The following EPB41 variants were observed in gnomAD, a reference collection of about 807,000 sequenced individuals.
The protein encoded by EPB41 is protein 4.1.
Under a neutral mutation model 108.0 loss-of-function variants are expected in EPB41, and 65 were observed. That is an observed-to-expected ratio of 0.60 (90% confidence interval 0.49 to 0.74). The LOEUF is 0.74. EPB41 is among the 30% of genes least tolerant of loss of function. The pLI, the probability that EPB41 is intolerant of heterozygous loss-of-function variation, is 0.00. For synonymous variants in EPB41, 336 were observed against 358.9 expected, an observed-to-expected ratio of 0.94 and a Z score of 0.72; for missense variants, 875 against 1,037.0, an observed-to-expected ratio of 0.84 and a Z score of 2.15.
At chr1:29,016,831 T>A (rs767253971) in intron 6 of EPB41, among the ~76,000 whole-genome samples, 3 of 152,252 alleles carry the variant, frequency 2.0e-5, no homozygotes, top group Non-Finnish European at 4.4e-5. Context: ...AAACTGTTGG[T>A]TGTTGAGTAA....
intron 16 of EPB41, among the ~76,000 whole-genome samples, chr1:29,090,051 G>A (rs1048411259): frequency 6.6e-6 from 1 of 152,160 alleles, no homozygotes; most frequent in Admixed American, 6.6e-5. Flanking sequence ...ATCACTTGAG[G>A]TAAGGAGTTC....
chr1:29,093,819 C>T lies in EPB41; in HGVS notation c.2185-3988C>T, dbSNP rs111998694. ...ACTCTGGAGGCTGACGCAGGAGAAT[C>T]GCTTGAACTTAGGAGGCGGAGGTTG... On this transcript the variant is annotated intron_variant, in intron 16 of 20. Transcript: ENST00000343067. Among the ~76,000 whole-genome samples, 1,116 of 152,246 alleles carry T rather than the reference C, an allele frequency of 7.3e-3. 10 individuals carry two copies. Among genetic ancestry groups the T allele is most frequent in the African/African-American group, 0.025 (1,052 of 41,556 alleles).
intron 16 of EPB41, among the ~76,000 whole-genome samples, chr1:29,086,940 C>CTTTTTTTTTTTTTTTTTTTTTT (rs386366593): frequency 1.0e-5 from 1 of 98,564 alleles, no homozygotes; most frequent in Non-Finnish European, 1.9e-5. Context: ...AACTGTGGTT[C>CTTTTTTTTTTTTTTTTTTTTTT]TTTTTTTTTT....
At chr1:29,116,141 C>G (rs1405703793) in intron 20 of EPB41, among the ~76,000 whole-genome samples, 1 of 140,358 alleles carries the variant, frequency 7.1e-6, no homozygotes, top group African/African-American at 2.6e-5. Context: ...GCTGCTGTCA[C>G]AGGTCTCTCT....
chr1:28,903,410 C>T (rs770653479), intron 1 of EPB41, among the ~76,000 whole-genome samples: 10 of 151,258 alleles, frequency 6.6e-5, no homozygotes, highest in Non-Finnish European at 1.3e-4. Context: ...CTGCAACCTC[C>T]GCCTCCTGGG....
chr1:28,996,601 G>C (rs958812384), intron 3 of EPB41, among the ~76,000 whole-genome samples: 1 of 152,154 alleles, frequency 6.6e-6, no homozygotes, highest in Non-Finnish European at 1.5e-5. Context: ...TGATGTGTAG[G>C]ATGGAGATGG....
chr1:29,085,364 C>T (rs753341644), intron 16 of EPB41, among the ~76,000 whole-genome samples: 7 of 151,814 alleles, frequency 4.6e-5, no homozygotes, highest in Non-Finnish European at 8.8e-5. Context: ...AGGCTGGTTT[C>T]GAACTCCTGA....
chr1:28,936,081 C>A (rs895908926), intron 1 of EPB41, among the ~76,000 whole-genome samples: 7 of 152,156 alleles, frequency 4.6e-5, no homozygotes, highest in Non-Finnish European at 8.8e-5. Context: ...TTTGCCCTTT[C>A]TTCTCTGGCC....
chr1:29,116,429 CA>C (rs1670976456), intron 20 of EPB41, among the ~76,000 whole-genome samples: 1 of 152,076 alleles, frequency 6.6e-6, no homozygotes, highest in African/African-American at 2.4e-5. Flanking sequence ...GCTGGGATTA[CA>C]GGCATGAGCC....
chr1:28,899,756 C>A (rs911206473), intron 1 of EPB41, among the ~76,000 whole-genome samples: 46 of 152,242 alleles, frequency 3.0e-4, no homozygotes, highest in African/African-American at 9.9e-4. Flanking sequence ...AATTACCTAC[C>A]CTTCCTGAGC....
At chr1:28,959,372 ACG>A (rs1379373135) in intron 1 of EPB41, among the ~76,000 whole-genome samples, 3 of 151,856 alleles carry the variant, frequency 2.0e-5, no homozygotes, top group Non-Finnish European at 4.4e-5. Flanking sequence ...CTGTGCCACT[ACG>A]CCTGGCTAAT....
chr1:28,988,594 A>G (rs1224389954), intron 2 of EPB41, among the ~76,000 whole-genome samples: 2 of 152,182 alleles, frequency 1.3e-5, no homozygotes, highest in African/African-American at 4.8e-5. Flanking sequence ...TCTTGACCTC[A>G]GGTAATCTGT....
At chr1:29,100,262 A>G (rs1196925383) in intron 17 of EPB41, among the ~76,000 whole-genome samples, 1 of 149,632 alleles carries the variant, frequency 6.7e-6, no homozygotes, top group Admixed American at 6.8e-5. Context: ...TGAGGTCAGA[A>G]GTTCAAGACC....
chr1:28,931,287 A>G (rs2093726415), intron 1 of EPB41, among the ~76,000 whole-genome samples: 1 of 149,846 alleles, frequency 6.7e-6, no homozygotes, highest in Non-Finnish European at 1.5e-5. Flanking sequence ...GGTCCCAGCT[A>G]CTCGGGAGGC....
chr1:29,069,598 CTG>C (rs1279954316), intron 16 of EPB41: 6 of 308,122 alleles, frequency 1.9e-5, no homozygotes, highest in African/African-American at 2.2e-5. Flanking sequence ...GCTTTTAAAA[CTG>C]TTGTTTTTAA....
intron 1 of EPB41, among the ~76,000 whole-genome samples, chr1:28,924,053 A>G (rs1008111722): frequency 6.6e-6 from 1 of 152,218 alleles, no homozygotes; most frequent in African/African-American, 2.4e-5. Context: ...CCCTGGGACC[A>G]CTAGCTACCA....
intron 18 of EPB41, among the ~76,000 whole-genome samples, chr1:29,110,917 A>G (rs1411620531): frequency 6.6e-6 from 1 of 152,212 alleles, no homozygotes; most frequent in African/African-American, 2.4e-5. Context: ...CTGTAATCCC[A>G]ACACTTTGGG....
At chr1:29,066,319 T>A (rs1038641759) in intron 16 of EPB41, among the ~76,000 whole-genome samples, 1 of 151,850 alleles carries the variant, frequency 6.6e-6, no homozygotes, top group African/African-American at 2.4e-5. Context: ...CTCAGGAGGC[T>A]GAGGTAGGAG....
rs142587197 is a variant in EPB41, at chr1:29,111,976, C to CAA, written c.2416-378_2416-377dup. On this transcript the variant is annotated intron_variant, in intron 18 of 20. Transcript: ENST00000343067. The stretch of plus-strand genomic sequence containing the variant: ...TGGACAACAGAGCGAGACTCTGTCT[C>CAA]AAAAAAAAAAAAAAACAAAGATTTT... Among the ~76,000 whole-genome samples the CAA allele has an allele frequency of 1.8e-4, 15 of 82,076 alleles. No homozygotes were observed. The East Asian group carries it at 2.1e-3, about 11-fold the overall frequency. 53.8% of individuals were successfully genotyped at this position (82,076 alleles called of 152,430 possible).
Sources: gnomAD v4.1 joint callset for allele counts (sites outside exome capture counted in the v4.1 genomes callset) on GRCh38, gnomAD v4.1.1 for gene constraint, MANE v1.5 for transcripts, NCBI Gene and HGNC (gene_info 2026-07-23, HGNC 2026-07-21) for gene names.